NELL2: variants seen among roughly 807,000 people sequenced by gnomAD.
The protein encoded by NELL2 is neural EGFL like 2.
A neutral mutation model predicts 109.6 loss-of-function variants in NELL2; 41 were observed. The ratio of observed to expected loss-of-function variants is 0.37; its 90% CI spans 0.29 to 0.49. The LOEUF is 0.49. NELL2 is among the 20% of genes least tolerant of loss of function. NELL2 has a pLI of 0.98. For missense variants in NELL2, 900 were observed against 1,008.3 expected (o/e 0.89, Z 1.45); for synonymous variants, 355 against 344.7 (o/e 1.03, Z -0.33).
At chr12:44,861,228 GAAACGAAATA>G (rs1488020470) in intron 2 of NELL2, among the ~76,000 whole-genome samples, 1 of 152,116 alleles carries the variant, frequency 6.6e-6, no homozygotes, top group African/African-American at 2.4e-5. Context: ...TAATCTTGAG[GAAACGAAATA>G]AAAATGAGCA....
intron 13 of NELL2, among the ~76,000 whole-genome samples, chr12:44,642,186 CT>C (rs1406838255): frequency 6.6e-6 from 1 of 152,114 alleles, no homozygotes; most frequent in African/African-American, 2.4e-5. Context: ...TGCTGCTAGC[CT>C]ACCATCTAGG....
intron 19 of NELL2, among the ~76,000 whole-genome samples, chr12:44,515,945 G>C (rs1386877296): frequency 6.6e-6 from 1 of 151,596 alleles, no homozygotes; most frequent in African/African-American, 2.4e-5. Context: ...TTATTTTCAA[G>C]ATTTTTGTAG....
chr12:44,808,550 G>A (rs1051686675), intron 3 of NELL2, among the ~76,000 whole-genome samples: 1 of 151,760 alleles, frequency 6.6e-6, no homozygotes, highest in African/African-American at 2.4e-5. Flanking sequence ...GTAGAAATTG[G>A]AGTTTGAAAT....
At chr12:44,618,007 C>T (rs551197967) in intron 13 of NELL2, among the ~76,000 whole-genome samples, 5 of 152,238 alleles carry the variant, frequency 3.3e-5, no homozygotes, top group Non-Finnish European at 7.4e-5. Context: ...GGAAAATTGC[C>T]TGCTGACATA....
chr12:44,670,169 G>T (rs1023703453), intron 12 of NELL2, among the ~76,000 whole-genome samples: 1 of 152,080 alleles, frequency 6.6e-6, no homozygotes, highest in Admixed American at 6.5e-5. Context: ...GAAGGGTAAA[G>T]AAATTCTTTC....
chr12:44,608,194 T>C (rs998846605), intron 14 of NELL2, among the ~76,000 whole-genome samples: 2 of 152,036 alleles, frequency 1.3e-5, no homozygotes, highest in Non-Finnish European at 2.9e-5. Flanking sequence ...ACCAGCTTGT[T>C]CCCGGCATTA....
At chr12:44,622,988 TTG>T (rs1386169187) in intron 13 of NELL2, among the ~76,000 whole-genome samples, 3 of 152,194 alleles carry the variant, frequency 2.0e-5, no homozygotes, top group African/African-American at 7.2e-5. Flanking sequence ...TCTGTGTTTA[TTG>T]TGTTTCAGAC....
chr12:44,787,269 T>A (rs900839500), intron 3 of NELL2, among the ~76,000 whole-genome samples: 1 of 151,764 alleles, frequency 6.6e-6, no homozygotes, highest in African/African-American at 2.4e-5. Flanking sequence ...ATGAAAGAAA[T>A]CAAAGATCTA....
At chr12:44,533,538 G>A (rs1279700581) in intron 15 of NELL2, among the ~76,000 whole-genome samples, 3 of 152,074 alleles carry the variant, frequency 2.0e-5, no homozygotes, top group Non-Finnish European at 2.9e-5. Flanking sequence ...ATTCAGGTGT[G>A]TGCTCCTTTA....
Position 44,792,521 on chromosome 12 carries a change from T to A in NELL2, c.336-12499A>T, listed in dbSNP as rs773532451. Among the ~76,000 whole-genome samples, 3 of 152,088 alleles carry A rather than the reference T, an allele frequency of 2.0e-5. No homozygotes were observed. The South Asian group carries it at 6.2e-4, about 32-fold the overall frequency. On this transcript the variant is annotated intron_variant, in intron 3 of 19. Coordinates refer to ENST00000429094, the MANE Select transcript of NELL2 (RefSeq NM_001145108.2). ...ACATTTTAACTATATAAAAATTAAA[T>A]CTTTTTCAATGGAAAAGACACCATA...
intron 13 of NELL2, among the ~76,000 whole-genome samples, chr12:44,629,663 C>T (rs1592234831): frequency 6.6e-6 from 1 of 152,152 alleles, no homozygotes; most frequent in Admixed American, 6.5e-5. Flanking sequence ...GGTTATTTTC[C>T]TCATTCATTT....
chr12:44,660,080 G>A (rs143272061), intron 13 of NELL2, among the ~76,000 whole-genome samples: 58 of 152,274 alleles, frequency 3.8e-4, no homozygotes, highest in African/African-American at 1.3e-3. Context: ...AGAACTTAGT[G>A]GTGAGTGGGA....
In NELL2 at chr12:44,776,586, A is replaced by C. The variant is rs536289043; in HGVS notation, c.763-436T>G. Among the ~76,000 whole-genome samples the C allele has an allele frequency of 1.5e-4, 23 of 152,338 alleles. 1 individual carries two copies. In the South Asian group the frequency reaches 4.8e-3, roughly 32 times the overall value. On this transcript the variant is annotated intron_variant, in intron 7 of 19. Coordinates refer to ENST00000429094, the MANE Select transcript of NELL2 (RefSeq NM_001145108.2). ...TCTGTAACTACTATACAAAATTACA[A>C]GTCTAGTGAAATTGTAGGTAAACCT...
At chr12:44,807,461 T>C (rs976657271) in intron 3 of NELL2, among the ~76,000 whole-genome samples, 1 of 151,814 alleles carries the variant, frequency 6.6e-6, no homozygotes, top group Non-Finnish European at 1.5e-5. Flanking sequence ...CATCGAGATA[T>C]GATAAGCTTC....
rs551336569 is a variant in NELL2 at position 44,617,174 on chromosome 12, A to G, written c.1445-6204T>C. Among the ~76,000 whole-genome samples the G allele has an allele frequency of 2.6e-5, 4 of 152,274 alleles. No homozygotes were observed. The South Asian group carries it at 8.3e-4, about 32-fold the overall frequency. On this transcript the variant is annotated intron_variant, in intron 13 of 19. Coordinates refer to ENST00000429094, the MANE Select transcript of NELL2 (RefSeq NM_001145108.2). Reference sequence around the variant, plus strand: ...TGATTTTAAATGTCCTTGATCAACTATGCTGTAGTAGGACCACAACTAAAT... The same window carrying G: ...TGATTTTAAATGTCCTTGATCAACTGTGCTGTAGTAGGACCACAACTAAAT...
upstream of NELL2, among the ~76,000 whole-genome samples, chr12:44,877,335 T>G (rs189391533): frequency 1.3e-5 from 2 of 152,350 alleles, no homozygotes; most frequent in Admixed American, 1.3e-4. Flanking sequence ...CAGGCACATG[T>G]ATGTTCAAGA....
chr12:44,706,164 G>C (rs1468113289), intron 11 of NELL2, among the ~76,000 whole-genome samples: 1 of 152,080 alleles, frequency 6.6e-6, no homozygotes, highest in African/African-American at 2.4e-5. Context: ...GAAGTGCCTT[G>C]CTTTTTATCA....
chr12:44,909,203 A>G (rs1165686709), intron 1 of NELL2, among the ~76,000 whole-genome samples: 3 of 151,946 alleles, frequency 2.0e-5, no homozygotes, highest in African/African-American at 7.2e-5. Context: ...CCAAAAGGCT[A>G]CTGAAACTGA....
chr12:44,541,738 A>G (rs1270867876), intron 15 of NELL2, among the ~76,000 whole-genome samples: 1 of 152,164 alleles, frequency 6.6e-6, no homozygotes, highest in Non-Finnish European at 1.5e-5. Context: ...GAATAAAGAT[A>G]TGTTAGCCAA....
Sources: gnomAD v4.1 joint callset for allele counts (sites outside exome capture counted in the v4.1 genomes callset) on GRCh38, gnomAD v4.1.1 for gene constraint, MANE v1.5 for transcripts, NCBI Gene and HGNC (gene_info 2026-07-23, HGNC 2026-07-21) for gene names.